SEMA3A: variants seen among roughly 807,000 people sequenced by gnomAD.
SEMA3A encodes the protein semaphorin 3A.
Under a neutral mutation model 97.9 loss-of-function variants are expected in SEMA3A, and 29 were observed. That is an observed-to-expected ratio of 0.30 (90% CI 0.22 to 0.40). The LOEUF is 0.40. Ranked by LOEUF, SEMA3A falls within the 10% of genes least tolerant of loss-of-function variation. SEMA3A has a pLI of 1.00. For synonymous variants in SEMA3A, 321 were observed against 323.7 expected (o/e 0.99, Z 0.09); for missense variants, 763 against 951.3 (o/e 0.80, Z 2.60).
intron 9 of SEMA3A, among the ~76,000 whole-genome samples, chr7:84,007,772 T>A (rs182025974): frequency 2.4e-4 from 36 of 152,274 alleles, no homozygotes; most frequent in Middle Eastern, 3.4e-3. Context: ...AGTACTAAGT[T>A]TTGATAGGAA....
intron 6 of SEMA3A, among the ~76,000 whole-genome samples, chr7:84,018,395 C>T (rs1791188325): frequency 6.6e-6 from 1 of 152,118 alleles, no homozygotes. Flanking sequence ...TAAGCACCTA[C>T]TGTATACTCT....
At position 83,958,077 on chromosome 7, in the gene SEMA3A, C is replaced by T. The variant is rs570419447; in HGVS notation, c.*3294G>A. ...CATCTTTGTGGATCCTGAATAAAACCAAACTGATTATGAAAATGACACATT... is the reference window on the plus strand; with the variant it reads ...CATCTTTGTGGATCCTGAATAAAACTAAACTGATTATGAAAATGACACATT... On this transcript the variant is annotated 3_prime_UTR_variant, in exon 17 of 17. Coordinates refer to ENST00000265362, the MANE Select transcript of SEMA3A (RefSeq NM_006080.3). 2.0e-5 allele frequency: 3 copies of T among 151,954 alleles called. No homozygotes were observed. The highest frequency in any genetic ancestry group is 7.2e-5 in the African/African-American group (3 of 41,404). 9.4% of individuals were successfully genotyped at this position (151,954 alleles called of 1,614,324 possible).
chr7:83,958,635 T>G lies in SEMA3A; in HGVS notation c.*2736A>C, dbSNP rs1788354864. On this transcript the variant is annotated 3_prime_UTR_variant, in exon 17 of 17. Coordinates refer to ENST00000265362, the MANE Select transcript of SEMA3A (RefSeq NM_006080.3). ...GGAGTACTTATAGAAAGTTTTATTT[T>G]ACACTGTTCTTCCTCTTTTTCTCCC... The G allele has an allele frequency of 6.6e-6, 1 of 152,530 alleles. No homozygotes were observed. Among genetic ancestry groups the G allele is most frequent in the Admixed American group, 6.6e-5 (1 of 15,260 alleles). 9.4% of individuals were successfully genotyped at this position (152,530 alleles called of 1,614,324 possible).
At chr7:83,986,969 TTCACACACA>T (rs1562955703) in intron 12 of SEMA3A, among the ~76,000 whole-genome samples, 63 of 147,318 alleles carry the variant, frequency 4.3e-4, no homozygotes, top group African/African-American at 1.5e-3. Flanking sequence ...CTCTCTCTCT[TTCACACACA>T]CACACACACA....
At chr7:84,157,880 A>T (rs73380843) in intron 1 of SEMA3A, among the ~76,000 whole-genome samples, 9,571 of 152,194 alleles carry the variant, frequency 0.063, 656 homozygotes, top group African/African-American at 0.17. Flanking sequence ...CATAGGTCAT[A>T]TCATACAATT....
intron 3 of SEMA3A, among the ~76,000 whole-genome samples, chr7:84,273,173 T>C (rs987195574): frequency 2.0e-5 from 3 of 152,062 alleles, no homozygotes; most frequent in East Asian, 3.9e-4. Flanking sequence ...GCAATGAAAA[T>C]ACAAATTTAT....
At chr7:84,021,725 C>T (rs898878914) in intron 6 of SEMA3A, among the ~76,000 whole-genome samples, 4 of 152,046 alleles carry the variant, frequency 2.6e-5, no homozygotes, top group African/African-American at 9.7e-5. Flanking sequence ...TGCATAGTTC[C>T]CAAATGACTC....
At chr7:84,404,061 T>A (rs1360770809) in intron 1 of SEMA3A, among the ~76,000 whole-genome samples, 1 of 152,064 alleles carries the variant, frequency 6.6e-6, no homozygotes, top group East Asian at 1.9e-4. Flanking sequence ...TTTGAAGAGT[T>A]GAGAGAAGAA....
At position 84,382,565 on chromosome 7, in the gene SEMA3A, T is replaced by C. The variant is rs544432912; in HGVS notation, c.-245-10665A>G. On this transcript the variant is annotated intron_variant, in intron 1 of 3. Transcript: ENST00000424555. ...TCAAATCACAATCAGTTTTTAAAGT[T>C]GTGTATGAATTGGCCTGGCACAGTG... Among the ~76,000 whole-genome samples the C allele has an allele frequency of 1.1e-4, 17 of 151,398 alleles. No homozygotes were observed. The South Asian group carries it at 3.6e-3, about 32-fold the overall frequency.
intron 3 of SEMA3A, among the ~76,000 whole-genome samples, chr7:84,275,448 GATGAATAGC>G (rs1800270964): frequency 6.6e-6 from 1 of 152,074 alleles, no homozygotes; most frequent in Non-Finnish European, 1.5e-5. Context: ...TCTTCTTGAA[GATGAATAGC>G]ATTTATATTG....
chr7:84,175,829 G>C (rs190850804), intron 1 of SEMA3A, among the ~76,000 whole-genome samples: 72 of 152,134 alleles, frequency 4.7e-4, no homozygotes, highest in Admixed American at 7.9e-4. Flanking sequence ...TTAAAAGCTG[G>C]GTACGTGAAT....
At chr7:84,293,180 A>C (rs948159688) in intron 3 of SEMA3A, among the ~76,000 whole-genome samples, 1 of 152,216 alleles carries the variant, frequency 6.6e-6, no homozygotes, top group South Asian at 2.1e-4. Context: ...GAACATAATT[A>C]AAATTCAAAG....
At chr7:84,143,994 C>CACACACACACACAA (rs1348242265) in intron 1 of SEMA3A, among the ~76,000 whole-genome samples, 3 of 137,558 alleles carry the variant, frequency 2.2e-5, no homozygotes, top group Admixed American at 7.2e-5. Flanking sequence ...CACACACACA[C>CACACACACACACAA]AATTTATTGT....
intron 1 of SEMA3A, among the ~76,000 whole-genome samples, chr7:84,406,361 T>A (rs1473037838): frequency 2.0e-5 from 3 of 152,108 alleles, no homozygotes; most frequent in East Asian, 3.8e-4. Context: ...AGAAGCTGAA[T>A]CTCTGAATAG....
At chr7:84,481,027 T>G (rs2116433017) in intron 1 of SEMA3A, among the ~76,000 whole-genome samples, 1 of 152,286 alleles carries the variant, frequency 6.6e-6, no homozygotes, top group African/African-American at 2.4e-5. Flanking sequence ...TGACTGTTTT[T>G]GAAAGAAAGG....
intron 5 of SEMA3A, among the ~76,000 whole-genome samples, chr7:84,046,847 C>T (rs931176203): frequency 3.3e-5 from 5 of 151,938 alleles, no homozygotes; most frequent in African/African-American, 4.8e-5. Context: ...ATCCTTATAA[C>T]GTAGGGTAAG....
intron 1 of SEMA3A, among the ~76,000 whole-genome samples, chr7:84,436,043 TG>T (rs952147164): frequency 6.6e-5 from 10 of 152,096 alleles, no homozygotes; most frequent in African/African-American, 2.4e-4. Context: ...TAAAACTATC[TG>T]ATGTTCAAAA....
At chr7:84,336,798 C>A (rs909460603) in intron 2 of SEMA3A, among the ~76,000 whole-genome samples, 2 of 152,120 alleles carry the variant, frequency 1.3e-5, no homozygotes, top group African/African-American at 4.8e-5. Context: ...GTACACTTTA[C>A]TAAGTAAAGT....
At chr7:84,008,068 G>A (rs1411453323) in intron 9 of SEMA3A, among the ~76,000 whole-genome samples, 10 of 152,104 alleles carry the variant, frequency 6.6e-5, no homozygotes, top group East Asian at 1.9e-4. Flanking sequence ...AAATAATTAC[G>A]TTAGTAGCTA....
Sources: gnomAD v4.1 joint callset for allele counts (sites outside exome capture counted in the v4.1 genomes callset) on GRCh38, gnomAD v4.1.1 for gene constraint, MANE v1.5 for transcripts, NCBI Gene and HGNC (gene_info 2026-07-23, HGNC 2026-07-21) for gene names.